Variants in PPP2R5C observed in about 807,000 individuals in gnomAD.
PPP2R5C encodes serine/threonine-protein phosphatase 2A 56 kDa regulatory subunit gamma isoform.
Under a neutral mutation model 68.9 loss-of-function variants are expected in PPP2R5C, and 7 were observed. The observed-to-expected ratio is 0.10, with a 90% confidence interval of 0.06 to 0.19. The LOEUF (loss-of-function observed/expected upper bound fraction) is 0.19. PPP2R5C is among the 10% of genes least tolerant of loss of function. PPP2R5C has a pLI of 1.00. For missense variants in PPP2R5C, 348 were observed against 641.3 expected (o/e 0.54, Z 4.94); for synonymous variants, 210 against 222.2 (o/e 0.95, Z 0.49).
chr14:101,763,402 T>A (rs77738434), intron 2 of PPP2R5C, among the ~76,000 whole-genome samples: 1 of 150,204 alleles, frequency 6.7e-6, no homozygotes, highest in Non-Finnish European at 1.5e-5. Flanking sequence ...TTTTTTTTTT[T>A]AATAGAGTCT....
At chr14:101,808,901 A>G (rs936375700), upstream of PPP2R5C, among the ~76,000 whole-genome samples, 3 of 152,210 alleles carry the variant, frequency 2.0e-5, no homozygotes, top group African/African-American at 7.2e-5. Flanking sequence ...GCACCCCCTC[A>G]TGGGATCCTG....
At chr14:101,787,992 A>T (rs2038198376) in intron 3 of PPP2R5C, among the ~76,000 whole-genome samples, 2 of 152,194 alleles carry the variant, frequency 1.3e-5, no homozygotes, top group South Asian at 4.1e-4. Flanking sequence ...GGGGTACAGA[A>T]TTACACAAAA....
chr14:101,769,984 T>A (rs1057300406), intron 2 of PPP2R5C, among the ~76,000 whole-genome samples: 1 of 152,192 alleles, frequency 6.6e-6, no homozygotes, highest in African/African-American at 2.4e-5. Context: ...CACTCCAGGC[T>A]ACACACCTGT....
In PPP2R5C at chr14:101,912,714, T is replaced by G. The variant is rs1367730229; in HGVS notation, c.1326+241T>G. ...CTCTGCTTTTTAAATAAGATCTGAATCTTATGCATATACTGTGGTAAAAAG... is the reference window on the plus strand; with the variant it reads ...CTCTGCTTTTTAAATAAGATCTGAAGCTTATGCATATACTGTGGTAAAAAG... On this transcript the variant is annotated intron_variant, in intron 12 of 13. Transcript: ENST00000334743. 3.8e-6 allele frequency: 3 copies of G among 792,842 alleles called. No individual in the cohort carries two copies. The East Asian group carries it at 1.2e-4, about 31-fold the overall frequency. 49.1% of individuals were successfully genotyped at this position (792,842 alleles called of 1,614,324 possible).
At chr14:101,833,123 A>G (rs1253785389) in intron 1 of PPP2R5C, among the ~76,000 whole-genome samples, 1 of 152,226 alleles carries the variant, frequency 6.6e-6, no homozygotes, top group East Asian at 1.9e-4. Context: ...TTCAGTTTTC[A>G]GGAGGAAAAC....
intron 2 of PPP2R5C, among the ~76,000 whole-genome samples, chr14:101,876,797 G>A (rs1017800717): frequency 6.6e-6 from 1 of 152,178 alleles, no homozygotes; most frequent in Non-Finnish European, 1.5e-5. Flanking sequence ...TCATGTGGAG[G>A]TCAAACAGTC....
chr14:101,881,550 C>A (rs1479221063), intron 2 of PPP2R5C, among the ~76,000 whole-genome samples: 1 of 152,202 alleles, frequency 6.6e-6, no homozygotes, highest in Non-Finnish European at 1.5e-5. Context: ...TCTAACAGCC[C>A]ATGCCTGGGC....
intron 12 of PPP2R5C, chr14:101,914,191 C>T (rs1049832357): frequency 2.6e-5 from 12 of 455,978 alleles, no homozygotes; most frequent in African/African-American, 1.8e-4. Flanking sequence ...CGTGGTTCTG[C>T]ATAGGAGCTT....
chr14:101,786,726 A>ACC (rs1351124343), intron 3 of PPP2R5C, among the ~76,000 whole-genome samples: 4 of 152,214 alleles, frequency 2.6e-5, no homozygotes, highest in Admixed American at 6.5e-5. Context: ...CAAATGACAC[A>ACC]GCCATCTCTT....
At chr14:101,920,411 A>G (rs184926341) in intron 13 of PPP2R5C, among the ~76,000 whole-genome samples, 8 of 152,346 alleles carry the variant, frequency 5.3e-5, no homozygotes, top group Admixed American at 3.3e-4. Flanking sequence ...CAGTTCTTGG[A>G]GAACTCCTGT....
intron 6 of PPP2R5C, among the ~76,000 whole-genome samples, chr14:101,890,947 A>T (rs1477957579): frequency 6.6e-6 from 1 of 151,434 alleles, no homozygotes; most frequent in Non-Finnish European, 1.5e-5. Flanking sequence ...TAATTTTTGT[A>T]TTTTTAGTGG....
intron 3 of PPP2R5C, among the ~76,000 whole-genome samples, chr14:101,804,477 C>T (rs2038995731): frequency 6.6e-6 from 1 of 151,796 alleles, no homozygotes; most frequent in African/African-American, 2.4e-5. Context: ...CCTAAGTGTC[C>T]ATCAACAGAT....
chr14:101,813,717 C>T (rs1040848816), intron 1 of PPP2R5C, among the ~76,000 whole-genome samples: 2 of 152,242 alleles, frequency 1.3e-5, no homozygotes, highest in African/African-American at 4.8e-5. Context: ...TTATTAACTG[C>T]TCTCATCTTG....
Position 101,877,609 on chromosome 14 carries a change from C to G in PPP2R5C, c.295-4552C>G, listed in dbSNP as rs1039653464. On this transcript the variant is annotated intron_variant, in intron 2 of 13. Transcript: ENST00000334743. The surrounding 1 kb of genome is among the most constrained non-coding windows in gnomAD (Gnocchi z 4.2). ...GACATCAGCACCCCAGGTTTCTGTA[C>G]CTGGGGCTCCTGCCCCTGATTCGCC... Among the ~76,000 whole-genome samples the G allele has an allele frequency of 3.3e-5, 5 of 152,156 alleles. No individual in the cohort carries two copies. The highest frequency in any genetic ancestry group is 1.2e-4 in the African/African-American group (5 of 41,446).
rs1442336855 is a variant in PPP2R5C, at chr14:101,852,941, T to C, written c.95-3745T>C. Among the ~76,000 whole-genome samples, 7 of 152,286 alleles carry C rather than the reference T, an allele frequency of 4.6e-5. No individual in the cohort carries two copies. In the South Asian group the frequency reaches 1.2e-3, roughly 27 times the overall value. On this transcript the variant is annotated intron_variant, in intron 1 of 13. Transcript: ENST00000334743. The stretch of plus-strand genomic sequence containing the variant: ...AAATTGTCTCAAATTCACAATAACA[T>C]ATTAATTAAATAATGGGAAAAGCTA...
intron 5 of PPP2R5C, among the ~76,000 whole-genome samples, chr14:101,886,372 C>T (rs2044514872): frequency 1.3e-5 from 2 of 152,034 alleles, no homozygotes; most frequent in Non-Finnish European, 2.9e-5. Context: ...AGTTATTACG[C>T]ATAATTTACT....
At chr14:101,771,266 T>TGTGTGTGTGTGTGTG (rs1399197887) in intron 2 of PPP2R5C, among the ~76,000 whole-genome samples, 1 of 150,624 alleles carries the variant, frequency 6.6e-6, no homozygotes, top group African/African-American at 2.5e-5. Context: ...TGTGTGTGTA[T>TGTGTGTGTGTGTGTG]TTTTTTGAGA....
intron 1 of PPP2R5C, among the ~76,000 whole-genome samples, chr14:101,814,728 G>A (rs1027385646): frequency 2.0e-5 from 3 of 152,210 alleles, no homozygotes; most frequent in Non-Finnish European, 4.4e-5. Flanking sequence ...CCCAGGAAAA[G>A]AATAGACAGA....
At chr14:101,779,714 G>A (rs907685373) in intron 2 of PPP2R5C, among the ~76,000 whole-genome samples, 3 of 152,090 alleles carry the variant, frequency 2.0e-5, no homozygotes, top group African/African-American at 7.2e-5. Flanking sequence ...AGGCAGTGGG[G>A]AGCCACTGGC....
Sources: allele counts gnomAD v4.1 joint callset (sites outside exome capture counted in the v4.1 genomes callset), GRCh38; gene constraint gnomAD v4.1.1; non-coding constraint Gnocchi (gnomAD v3.1); transcripts MANE v1.5; gene names NCBI Gene and HGNC (gene_info 2026-07-23, HGNC 2026-07-21).